Variants in SLC15A1 observed in about 807,000 individuals in gnomAD.
The protein encoded by SLC15A1 is solute carrier family 15 member 1.
SLC15A1 carries 83 observed loss-of-function variants against 92.9 expected under a neutral mutation model. That is an observed-to-expected ratio of 0.89 (90% confidence interval 0.75 to 1.07). SLC15A1 has a LOEUF of 1.07. SLC15A1 is among the 50% of genes least tolerant of loss of function. The pLI, the probability that SLC15A1 is intolerant of heterozygous loss-of-function variation, is 0.00. For synonymous variants in SLC15A1, 322 were observed against 318.2 expected (o/e 1.01, Z -0.13); for missense variants, 857 against 880.1 (o/e 0.97, Z 0.33).
chr13:98,690,101 A>G (rs2087963222), intron 18 of SLC15A1, among the ~76,000 whole-genome samples: 1 of 152,162 alleles, frequency 6.6e-6, no homozygotes, highest in Non-Finnish European at 1.5e-5. Flanking sequence ...TACCAAACAC[A>G]TGAGTGAAGG....
At chr13:98,707,943 A>G (rs1404410669) in intron 15 of SLC15A1, among the ~76,000 whole-genome samples, 1 of 147,060 alleles carries the variant, frequency 6.8e-6, no homozygotes, top group Non-Finnish European at 1.5e-5. Context: ...ATGTTATGTT[A>G]TATATATATA....
rs1193598253 is a variant in SLC15A1, at chr13:98,708,678, C to A, written c.1149+8G>T. On this transcript the variant is annotated splice_region_variant and intron_variant, in intron 15 of 22. Transcript: ENST00000376503. Reference sequence around the variant, plus strand: ...GAAAGGACATGGGAGAACCAGGGGACAACTCACATCGATTTCCACCTGCAC... The same window carrying A: ...GAAAGGACATGGGAGAACCAGGGGAAAACTCACATCGATTTCCACCTGCAC... The A allele has an allele frequency of 6.2e-7, 1 of 1,611,136 alleles. No individual in the cohort carries two copies. Among genetic ancestry groups the A allele is most frequent in the African/African-American group, 1.3e-5 (1 of 74,802 alleles).
intron 1 of SLC15A1, among the ~76,000 whole-genome samples, chr13:98,748,478 G>A (rs1466137280): frequency 6.6e-6 from 1 of 151,938 alleles, no homozygotes; most frequent in Non-Finnish European, 1.5e-5. Context: ...TTTTTTTTGT[G>A]GAGACGGGGT....
intron 5 of SLC15A1, among the ~76,000 whole-genome samples, chr13:98,723,693 G>A (rs1018753872): frequency 3.3e-5 from 5 of 152,204 alleles, no homozygotes; most frequent in African/African-American, 1.2e-4. Flanking sequence ...GCGCATGACA[G>A]CTGAGCCTCA....
At chr13:98,749,734 A>G (rs1300589502) in intron 1 of SLC15A1, among the ~76,000 whole-genome samples, 2 of 152,228 alleles carry the variant, frequency 1.3e-5, no homozygotes, top group African/African-American at 4.8e-5. Flanking sequence ...ACTATGGCTC[A>G]TGGGCTACAT....
At chr13:98,700,484 C>CAAAAAAAAAAAAAAAAAAAAAAAAA (rs56342746) in intron 18 of SLC15A1, among the ~76,000 whole-genome samples, 3 of 50,914 alleles carry the variant, frequency 5.9e-5, no homozygotes, top group Non-Finnish European at 6.3e-5. Context: ...GACCCTGTCT[C>CAAAAAAAAAAAAAAAAAAAAAAAAA]AAAAAAAAAA....
intron 1 of SLC15A1, among the ~76,000 whole-genome samples, chr13:98,750,289 T>C (rs954129918): frequency 2.6e-5 from 4 of 152,076 alleles, no homozygotes. Context: ...ATTTTTGTAT[T>C]TTTAGTAGAG....
At position 98,750,942 on chromosome 13, in the gene SLC15A1, C is replaced by CG. The variant is rs199787364; in HGVS notation, c.4+1652dup. Among the ~76,000 whole-genome samples the CG allele has an allele frequency of 3.3e-3, 505 of 151,978 alleles. 2 individuals are homozygous for CG. Among genetic ancestry groups the CG allele is most frequent in the African/African-American group, 0.011 (464 of 41,448 alleles). On this transcript the variant is annotated intron_variant, in intron 1 of 22. Coordinates refer to ENST00000376503, the MANE Select transcript of SLC15A1 (RefSeq NM_005073.4). ...AGTTTTTATATATTTTTAGTAGAGA[C>CG]GGGGGTCTTACCATGTTGGCCAGGT...
rs118094879 is a variant in SLC15A1, at chr13:98,706,370, C to T, written c.1150-117G>A. The T allele has an allele frequency of 3.1e-4, 345 of 1,124,506 alleles. 3 individuals carry two copies. In the East Asian group the frequency reaches 8.3e-3, roughly 27 times the overall value. The allele number at this position is 1,124,506 out of a possible 1,614,324, so 69.7% of individuals were successfully genotyped here. A position where few individuals can be genotyped will look rare whatever the true frequency, so the allele number is the denominator to read the frequency against. ...GGGAAAAGCTGCGCTGGCTGAAACA[C>T]GCCAGGTGTCTCCCACTAAGCTGCC... On this transcript the variant is annotated intron_variant, in intron 15 of 22. Transcript: ENST00000376503.
rs2088110094 is a variant in SLC15A1 at position 98,706,065 on chromosome 13, A to G, written c.1269+69T>C. The G allele has an allele frequency of 3.9e-6, 6 of 1,537,418 alleles. No homozygotes were observed. The East Asian group carries it at 1.4e-4, about 35-fold the overall frequency. ...CATTTATACAAGGACCAAGAAAAACAGCTTCTCTAAATCCTATTATAACAG... is the reference window on the plus strand; with the variant it reads ...CATTTATACAAGGACCAAGAAAAACGGCTTCTCTAAATCCTATTATAACAG... On this transcript the variant is annotated intron_variant, in intron 16 of 22. Coordinates refer to ENST00000376503, the MANE Select transcript of SLC15A1 (RefSeq NM_005073.4).
chr13:98,717,903 G>A (rs1740577870), intron 8 of SLC15A1, among the ~76,000 whole-genome samples: 1 of 152,110 alleles, frequency 6.6e-6, no homozygotes, highest in African/African-American at 2.4e-5. Context: ...CACCGTTCTT[G>A]GCCACCTTTC....
chr13:98,692,235 C>A lies in SLC15A1; in HGVS notation c.1467-3658G>T, dbSNP rs548247519. Among the ~76,000 whole-genome samples, 10 of 143,218 alleles carry A rather than the reference C, an allele frequency of 7.0e-5. 1 individual carries two copies. The South Asian group carries it at 2.3e-3, about 33-fold the overall frequency. The allele number at this position is 143,218 out of a possible 152,430, so 94.0% of individuals were successfully genotyped here. Reference sequence around the variant, plus strand: ...GTGGTGCAATCATGGCTCACTGCAGCCTTGAACTCCTGGGCTCAAACAATC... The same window carrying A: ...GTGGTGCAATCATGGCTCACTGCAGACTTGAACTCCTGGGCTCAAACAATC... On this transcript the variant is annotated intron_variant, in intron 18 of 22. Transcript: ENST00000376503.
chr13:98,717,372 T>C (rs1413904063), intron 8 of SLC15A1, among the ~76,000 whole-genome samples: 1 of 152,246 alleles, frequency 6.6e-6, no homozygotes, highest in Admixed American at 6.5e-5. Flanking sequence ...TTTAAGCTTC[T>C]GATTAACTGA....
At position 98,704,828 on chromosome 13, in the gene SLC15A1, T is replaced by G. The variant is rs373775167; in HGVS notation, c.1270-393A>C. Among the ~76,000 whole-genome samples the G allele has an allele frequency of 3.1e-4, 47 of 152,260 alleles. No individual in the cohort carries two copies. The East Asian group carries it at 7.3e-3, about 24-fold the overall frequency. ...GGGCTTTTTGTTTTTACCTTCAAGATTATTAGTTTCACAAGGTCTAAGGTT... is the reference window on the plus strand; with the variant it reads ...GGGCTTTTTGTTTTTACCTTCAAGAGTATTAGTTTCACAAGGTCTAAGGTT... On this transcript the variant is annotated intron_variant, in intron 16 of 22. Transcript: ENST00000376503.
intron 9 of SLC15A1, among the ~76,000 whole-genome samples, chr13:98,713,291 A>G (rs561964945): frequency 7.9e-5 from 12 of 151,980 alleles, no homozygotes; most frequent in Admixed American, 2.6e-4. Flanking sequence ...CAAATTCCTG[A>G]GCTCAGGCGA....
chr13:98,734,938 A>T (rs2088379522), intron 1 of SLC15A1, among the ~76,000 whole-genome samples: 1 of 152,228 alleles, frequency 6.6e-6, no homozygotes, highest in South Asian at 2.1e-4. Flanking sequence ...TTCTGAAACT[A>T]TTCCAATCAA....
intron 22 of SLC15A1, among the ~76,000 whole-genome samples, chr13:98,685,496 C>A (rs550252951): frequency 6.6e-6 from 1 of 152,310 alleles, no homozygotes; most frequent in South Asian, 2.1e-4. Flanking sequence ...AAATTTATAA[C>A]CAACTCTAGG....
At chr13:98,685,658 G>C (rs149345718) in intron 22 of SLC15A1, among the ~76,000 whole-genome samples, 1 of 152,260 alleles carries the variant, frequency 6.6e-6, no homozygotes, top group African/African-American at 2.4e-5. Flanking sequence ...CAGCTATTTT[G>C]GTTGTCAATT....
intron 1 of SLC15A1, among the ~76,000 whole-genome samples, chr13:98,738,435 A>T (rs1400649224): frequency 6.6e-6 from 1 of 152,356 alleles, no homozygotes. Context: ...GAGGCCTAGA[A>T]GGGAAGAATG....
Sources: gnomAD v4.1 joint callset for allele counts (sites outside exome capture counted in the v4.1 genomes callset) on GRCh38, gnomAD v4.1.1 for gene constraint, MANE v1.5 for transcripts, NCBI Gene and HGNC (gene_info 2026-07-23, HGNC 2026-07-21) for gene names.